Variants in LINGO2 observed in about 807,000 individuals in gnomAD.
The protein encoded by LINGO2 is leucine rich repeat and Ig domain containing 2.
In LINGO2, 14 loss-of-function variants were observed where a neutral mutation model predicts 30.6. The observed-to-expected ratio is 0.46, with a 90% CI of 0.30 to 0.72. The LOEUF is 0.72. Among genes scored for constraint, LINGO2 ranks in the 30% least tolerant of loss-of-function variants. The pLI is 0.07. For missense variants in LINGO2, 729 were observed against 751.7 expected (o/e 0.97, Z 0.35); for synonymous variants, 317 against 288.5 (o/e 1.10, Z -1.00).
At chr9:28,780,329 G>A in the LINGO2 span, among the ~76,000 whole-genome samples, 5 of 136,270 alleles carry the variant, frequency 3.7e-5, no homozygotes, top group African/African-American at 1.2e-4. Context: ...TAACGTAGAG[G>A]GTCTTTTGTG....
At chr9:28,848,397 G>GTGTGTATATATATATATATA in the LINGO2 span, among the ~76,000 whole-genome samples, 5 of 48,412 alleles carry the variant, frequency 1.0e-4, no homozygotes, top group Non-Finnish European at 1.6e-4. Flanking sequence ...GTGTGTGTGT[G>GTGTGTATATATATATATATA]TATATATATA....
At chr9:28,689,153 G>A in the LINGO2 span, among the ~76,000 whole-genome samples, 1 of 152,160 alleles carries the variant, frequency 6.6e-6, no homozygotes, top group East Asian at 1.9e-4. Context: ...CCCTATTAGG[G>A]AAGTTCACAT....
At chr9:29,124,962 G>A in the LINGO2 span, among the ~76,000 whole-genome samples, 10 of 152,076 alleles carry the variant, frequency 6.6e-5, no homozygotes, top group Admixed American at 2.0e-4. Flanking sequence ...ACATGCACAC[G>A]TATGTTTATT....
chr9:28,515,021 C>A (rs1307246823), intron 1 of LINGO2, among the ~76,000 whole-genome samples: 1 of 151,964 alleles, frequency 6.6e-6, no homozygotes, highest in Non-Finnish European at 1.5e-5. Context: ...AGACCTACCA[C>A]TCAGAATAAA....
chr9:28,315,886 G>A (rs1477731408), intron 3 of LINGO2, among the ~76,000 whole-genome samples: 1 of 152,148 alleles, frequency 6.6e-6, no homozygotes, highest in Non-Finnish European at 1.5e-5. Context: ...CGTAAGATTT[G>A]TGAATATGCA....
chr9:28,286,602 G>A (rs1459191119), intron 4 of LINGO2, among the ~76,000 whole-genome samples: 5 of 152,062 alleles, frequency 3.3e-5, no homozygotes, highest in South Asian at 2.1e-4. Context: ...AATGTAGTAC[G>A]TATATACCAC....
At chr9:28,939,712 T>C in the LINGO2 span, among the ~76,000 whole-genome samples, 1 of 152,124 alleles carries the variant, frequency 6.6e-6, no homozygotes, top group Non-Finnish European at 1.5e-5. Flanking sequence ...TACTAATTTA[T>C]CTATCTTCAA....
At chr9:28,838,050 G>C in the LINGO2 span, among the ~76,000 whole-genome samples, 1 of 152,106 alleles carries the variant, frequency 6.6e-6, no homozygotes, top group Non-Finnish European at 1.5e-5. Flanking sequence ...CAAATACTTT[G>C]AGTCAGAGGC....
chr9:28,552,148 A>T (rs900727917), intron 1 of LINGO2, among the ~76,000 whole-genome samples: 1 of 152,004 alleles, frequency 6.6e-6, no homozygotes, highest in East Asian at 1.9e-4. Flanking sequence ...TTACCTTGTT[A>T]AATCAAGCCC....
At chr9:28,106,055 C>A (rs1379676439) in intron 4 of LINGO2, among the ~76,000 whole-genome samples, 1 of 152,074 alleles carries the variant, frequency 6.6e-6, no homozygotes, top group African/African-American at 2.4e-5. Context: ...GGAGCCCCAA[C>A]CCTGTTGTGA....
the LINGO2 span, among the ~76,000 whole-genome samples, chr9:29,152,170 G>A: frequency 6.6e-6 from 1 of 152,110 alleles, no homozygotes; most frequent in South Asian, 2.1e-4. Flanking sequence ...AACAATAGAT[G>A]CTGGCAAGGC....
At chr9:28,122,779 A>G (rs1256538291) in intron 4 of LINGO2, among the ~76,000 whole-genome samples, 3 of 152,202 alleles carry the variant, frequency 2.0e-5, no homozygotes, top group South Asian at 2.1e-4. Context: ...TTCATTTCAT[A>G]TAAGAGTTCA....
At chr9:28,052,727 G>T (rs539305180) in intron 4 of LINGO2, among the ~76,000 whole-genome samples, 1 of 152,078 alleles carries the variant, frequency 6.6e-6, no homozygotes, top group Non-Finnish European at 1.5e-5. Context: ...GCCCAAGAAA[G>T]TAAAAGAATT....
chr9:28,437,384 C>A (rs547694009), intron 2 of LINGO2, among the ~76,000 whole-genome samples: 2 of 152,242 alleles, frequency 1.3e-5, no homozygotes, highest in African/African-American at 4.8e-5. Context: ...TCATGGGCTT[C>A]CCTGGTCCTG....
chr9:28,214,771 A>G (rs1820707772), intron 4 of LINGO2, among the ~76,000 whole-genome samples: 1 of 151,730 alleles, frequency 6.6e-6, no homozygotes. Context: ...AGCCAATGGT[A>G]CCCACATGCT....
chr9:28,395,491 T>C (rs924523564), intron 2 of LINGO2, among the ~76,000 whole-genome samples: 6 of 151,862 alleles, frequency 4.0e-5, no homozygotes, highest in African/African-American at 9.7e-5. Context: ...AACTATGATA[T>C]TGAAGCAAAT....
chr9:29,055,805 A>C, the LINGO2 span, among the ~76,000 whole-genome samples: 584 of 152,000 alleles, frequency 3.8e-3, 2 homozygotes, highest in African/African-American at 0.014. Context: ...ATGAGTGAGA[A>C]CATGCGATGT....
intron 4 of LINGO2, among the ~76,000 whole-genome samples, chr9:28,234,693 C>T (rs11789493): frequency 0.055 from 8,244 of 150,038 alleles, 330 homozygotes; most frequent in Middle Eastern, 0.12. Context: ...CTTGGACTTA[C>T]GCCAGTGGTT....
chr9:28,995,103 T>G, the LINGO2 span, among the ~76,000 whole-genome samples: 1 of 151,456 alleles, frequency 6.6e-6, no homozygotes, highest in Non-Finnish European at 1.5e-5. Flanking sequence ...TGGGAGAAAA[T>G]TTTGGCAACC....
Sources: gnomAD v4.1 joint callset for allele counts (sites outside exome capture counted in the v4.1 genomes callset) on GRCh38, gnomAD v4.1.1 for gene constraint, MANE v1.5 for transcripts, NCBI Gene and HGNC (gene_info 2026-07-23, HGNC 2026-07-21) for gene names.